Variants in PKIB observed in about 807,000 individuals in gnomAD.
PKIB encodes cAMP-dependent protein kinase inhibitor beta.
A neutral mutation model predicts 4.5 loss-of-function variants in PKIB; 2 were observed. The observed-to-expected ratio is 0.44, with a 90% CI of 0.18 to 1.39. PKIB has a LOEUF of 1.39. Among genes scored for constraint, PKIB ranks in the 40% most tolerant of loss-of-function variants. The probability of loss-of-function intolerance (pLI) is 0.27; values close to 1 mark genes in which losing one functional copy is unlikely to be tolerated. For synonymous variants in PKIB, 38 were observed against 36.0 expected (o/e 1.06, Z -0.20); for missense variants, 94 against 92.6 (o/e 1.02, Z -0.06).
intron 2 of PKIB, among the ~76,000 whole-genome samples, chr6:122,503,323 T>C (rs1456387687): frequency 6.6e-6 from 1 of 152,212 alleles, no homozygotes; most frequent in Non-Finnish European, 1.5e-5. Flanking sequence ...GTAGAAATTA[T>C]GCCTAATAAT....
intron 2 of PKIB, among the ~76,000 whole-genome samples, chr6:122,494,062 A>C (rs1384030682): frequency 6.6e-6 from 1 of 152,180 alleles, no homozygotes; most frequent in Non-Finnish European, 1.5e-5. Flanking sequence ...AAAACCTATT[A>C]GTAATTTAAA....
At chr6:122,471,972 T>C (rs1313340019) in exon 1 of PKIB, 4 of 983,518 alleles carry the variant, frequency 4.1e-6, no homozygotes, top group Non-Finnish European at 4.3e-6. Flanking sequence ...GGAGAATTTC[T>C]CAAGGACTGC....
chr6:122,634,874 G>A (rs1430607097), intron 2 of PKIB, among the ~76,000 whole-genome samples: 3 of 150,204 alleles, frequency 2.0e-5, no homozygotes, highest in Admixed American at 6.6e-5. Flanking sequence ...CCCGGGAGGC[G>A]GAGCTTGCAG....
rs1779942518 is a variant in PKIB at position 122,726,120 on chromosome 6, C to T, written c.*925C>T. The T allele has an allele frequency of 6.6e-6, 1 of 151,966 alleles. No individual in the cohort carries two copies. The highest frequency in any genetic ancestry group is 2.4e-5 in the African/African-American group (1 of 41,386). The allele number at this position is 151,966 out of a possible 1,614,324, so 9.4% of individuals were successfully genotyped here. A position where few individuals can be genotyped will look rare whatever the true frequency, so the allele number is the denominator to read the frequency against. On this transcript the variant is annotated 3_prime_UTR_variant, in exon 5 of 5. Coordinates refer to ENST00000368452, the MANE Select transcript of PKIB (RefSeq NM_181795.3). ...TGATATTGGTAGAAATAGTAAAATA[C>T]ATCCTTTAAATATATATCTAAGCAT... is the stretch of plus-strand genomic sequence containing the variant.
intron 2 of PKIB, among the ~76,000 whole-genome samples, chr6:122,581,280 A>T (rs1773695207): frequency 6.6e-6 from 1 of 152,134 alleles, no homozygotes; most frequent in African/African-American, 2.4e-5. Context: ...ATTTCCTGGG[A>T]AATGTTGGTT....
chr6:122,698,750 A>G (rs1309349286), intron 3 of PKIB, among the ~76,000 whole-genome samples: 1 of 152,186 alleles, frequency 6.6e-6, no homozygotes, highest in African/African-American at 2.4e-5. Context: ...AAGTAACAGC[A>G]CTAGTGAAAT....
At chr6:122,705,222 A>G (rs1268506794) in intron 3 of PKIB, among the ~76,000 whole-genome samples, 1 of 152,180 alleles carries the variant, frequency 6.6e-6, no homozygotes. Context: ...CAAGATCATC[A>G]TGGTTCAATG....
In PKIB at chr6:122,582,310, A is replaced by G. The variant is rs545371468; in HGVS notation, c.-247-3611A>G. Among the ~76,000 whole-genome samples, 6 of 152,066 alleles carry G rather than the reference A, an allele frequency of 3.9e-5. No homozygotes were observed. The East Asian group carries it at 1.2e-3, about 29-fold the overall frequency. On this transcript the variant is annotated intron_variant, in intron 2 of 6. Transcript: ENST00000392491. ...TCCCTTATTTTCTCCTATTTGCCACAAAAAAAGCAAGTGAAATAATGTAAG... is the reference window on the plus strand; with the variant it reads ...TCCCTTATTTTCTCCTATTTGCCACGAAAAAAGCAAGTGAAATAATGTAAG...
At chr6:122,534,119 A>G (rs982379578) in intron 2 of PKIB, among the ~76,000 whole-genome samples, 3 of 149,394 alleles carry the variant, frequency 2.0e-5, no homozygotes, top group Non-Finnish European at 1.5e-5. Flanking sequence ...GAACTAATCT[A>G]TGCCCAGGTT....
Position 122,717,951 on chromosome 6 carries a change from T to C in PKIB, c.157T>C (p.Ser53Pro). 1.9e-6 allele frequency: 3 copies of C among 1,613,266 alleles called. No homozygotes were observed. The highest frequency in any genetic ancestry group is 1.7e-4 in the Middle Eastern group (1 of 6,058). The change falls in exon 4 of 5, where the codon TCC becomes CCC. Residue 53 changes from serine (S) to proline (P), a missense_variant. Coordinates refer to ENST00000368452, the MANE Select transcript of PKIB (RefSeq NM_181795.3). ...SDLPLKLEALSVKEDAKEKDE... is the reference protein window; with the variant it reads ...SDLPLKLEALPVKEDAKEKDE... ...TTTGCCCCTCAAACTGGAGGCTCTC[T>C]CCGTGAAGGAAGGTAATACTCAAAA...
At chr6:122,640,376 T>C (rs923524700) in intron 2 of PKIB, among the ~76,000 whole-genome samples, 1 of 152,210 alleles carries the variant, frequency 6.6e-6, no homozygotes, top group African/African-American at 2.4e-5. Flanking sequence ...TCTACTTCAT[T>C]ACCATTTCCT....
chr6:122,718,898 A>G (rs1255898894), intron 4 of PKIB, among the ~76,000 whole-genome samples: 1 of 152,158 alleles, frequency 6.6e-6, no homozygotes, highest in Non-Finnish European at 1.5e-5. Context: ...TGATTACCTC[A>G]TCTTTTTCCA....
intron 2 of PKIB, among the ~76,000 whole-genome samples, chr6:122,563,787 G>A (rs1358778301): frequency 1.3e-5 from 2 of 152,094 alleles, no homozygotes; most frequent in East Asian, 1.9e-4. Context: ...CATGCAAACC[G>A]AAGGGTCAGT....
chr6:122,558,603 TA>T (rs768715395), intron 2 of PKIB, among the ~76,000 whole-genome samples: 63 of 152,204 alleles, frequency 4.1e-4, no homozygotes, highest in Admixed American at 1.9e-3. Context: ...AGTAAATACA[TA>T]AACTTTCTTT....
intron 2 of PKIB, chr6:122,482,641 C>T (rs1775656919): frequency 6.7e-6 from 1 of 149,426 alleles, no homozygotes; most frequent in Non-Finnish European, 1.5e-5. Flanking sequence ...GCCTCCGCCT[C>T]CCGGGTTCAA....
rs185652093 is a variant in PKIB at position 122,517,021 on chromosome 6, A to G, written c.-248+39082A>G. On this transcript the variant is annotated intron_variant, in intron 2 of 6. Transcript: ENST00000392491. ...CCATGTATGGATCATTTGAATCACT[A>G]TTTAGTGAATTATGTCTTAGAATCT... 2.0e-5 allele frequency among the ~76,000 whole-genome samples: 3 copies of G among 152,282 alleles called. No individual in the cohort carries two copies. The East Asian group carries it at 5.8e-4, about 29-fold the overall frequency.
intron 2 of PKIB, among the ~76,000 whole-genome samples, chr6:122,554,146 C>T (rs1215409746): frequency 6.6e-6 from 1 of 152,158 alleles, no homozygotes; most frequent in African/African-American, 2.4e-5. Context: ...TTTCCCTGAG[C>T]TGGAATTTTG....
At chr6:122,551,269 C>T (rs533129701) in intron 2 of PKIB, among the ~76,000 whole-genome samples, 34 of 152,148 alleles carry the variant, frequency 2.2e-4, no homozygotes, top group African/African-American at 7.5e-4. Context: ...ATTGCACCTT[C>T]GGGACCATCT....
intron 2 of PKIB, among the ~76,000 whole-genome samples, chr6:122,582,807 G>A (rs965238211): frequency 6.6e-6 from 1 of 151,840 alleles, no homozygotes; most frequent in Non-Finnish European, 1.5e-5. Context: ...GTGTTTTTTT[G>A]TTCTCTTATG....
Sources: gnomAD v4.1 joint callset for allele counts (sites outside exome capture counted in the v4.1 genomes callset) on GRCh38, gnomAD v4.1.1 for gene constraint, MANE v1.5 for transcripts, NCBI Gene and HGNC (gene_info 2026-07-23, HGNC 2026-07-21) for gene names.